ANGPTL2: variants seen among roughly 807,000 people sequenced by gnomAD.
The protein encoded by ANGPTL2 is angiopoietin-related protein 2.
In ANGPTL2, 25 loss-of-function variants were observed where a neutral mutation model predicts 52.8. The observed-to-expected ratio is 0.47, with a 90% CI of 0.35 to 0.66. ANGPTL2 has a LOEUF of 0.66. Among genes scored for constraint, ANGPTL2 ranks in the 30% least tolerant of loss-of-function variants. The pLI is 0.01. For synonymous variants in ANGPTL2, 276 were observed against 277.4 expected (o/e 1.00, Z 0.05); for missense variants, 546 against 656.9 (o/e 0.83, Z 1.84).
chr9:127,112,420 C>T (rs1158250285), intron 1 of ANGPTL2, among the ~76,000 whole-genome samples: 3 of 152,244 alleles, frequency 2.0e-5, no homozygotes, highest in Admixed American at 2.0e-4. Flanking sequence ...TGACAGACAC[C>T]TCTCTGTGCC....
At chr9:127,112,759 A>G (rs959986000) in intron 1 of ANGPTL2, among the ~76,000 whole-genome samples, 3 of 152,270 alleles carry the variant, frequency 2.0e-5, no homozygotes, top group African/African-American at 7.2e-5. Context: ...AGAACAACAA[A>G]GCTGAAACAA....
At chr9:127,100,634 C>T (rs994852418) in intron 2 of ANGPTL2, among the ~76,000 whole-genome samples, 4 of 152,154 alleles carry the variant, frequency 2.6e-5, no homozygotes, top group Non-Finnish European at 4.4e-5. Flanking sequence ...TAGAGGTGGG[C>T]AGTGCCCCAG....
At position 127,091,435 on chromosome 9, in the gene ANGPTL2, G is replaced by C. The variant is rs532568489; in HGVS notation, c.1282+235C>G. On this transcript the variant is annotated intron_variant, in intron 4 of 4. Coordinates refer to ENST00000373425, the MANE Select transcript of ANGPTL2 (RefSeq NM_012098.3). The surrounding 1 kb of genome is among the most constrained non-coding windows in gnomAD (Gnocchi z 4.3). ...TGATTTGTATACCTCTTTATGTCTCGCCCCATCCCATTTTTTTTTTCTTAA... is the reference window on the plus strand; with the variant it reads ...TGATTTGTATACCTCTTTATGTCTCCCCCCATCCCATTTTTTTTTTCTTAA... 6.6e-6 allele frequency among the ~76,000 whole-genome samples: 1 copy of C among 152,014 alleles called. No individual in the cohort carries two copies. Among genetic ancestry groups the C allele is most frequent in the Non-Finnish European group, 1.5e-5 (1 of 67,974 alleles).
chr9:127,121,156 G>A (rs1273504306), intron 1 of ANGPTL2, among the ~76,000 whole-genome samples: 1 of 152,246 alleles, frequency 6.6e-6, no homozygotes, highest in African/African-American at 2.4e-5. Flanking sequence ...GGGTGGTCAT[G>A]AGGATTCTAC....
chr9:127,096,613 G>T (rs2053170468), intron 2 of ANGPTL2, among the ~76,000 whole-genome samples: 1 of 152,192 alleles, frequency 6.6e-6, no homozygotes, highest in Non-Finnish European at 1.5e-5. Context: ...TTTACCTTTG[G>T]CATTTCCACC....
intron 2 of ANGPTL2, among the ~76,000 whole-genome samples, chr9:127,099,140 CT>C (rs2136724933): frequency 6.6e-6 from 1 of 152,312 alleles, no homozygotes; most frequent in African/African-American, 2.4e-5. Context: ...CCTGACAGTC[CT>C]TTTTATCCCC....
chr9:127,098,666 C>T (rs2053413784), intron 2 of ANGPTL2, among the ~76,000 whole-genome samples: 1 of 152,126 alleles, frequency 6.6e-6, no homozygotes, highest in Non-Finnish European at 1.5e-5. Flanking sequence ...TTGGGTGCTT[C>T]CTTCCTCCTC....
At chr9:127,102,097 A>G (rs1381931222) in intron 2 of ANGPTL2, among the ~76,000 whole-genome samples, 2 of 152,180 alleles carry the variant, frequency 1.3e-5, no homozygotes, top group Non-Finnish European at 2.9e-5. Context: ...CAGTGTTCCC[A>G]TCAAGAGGTC....
Position 127,087,564 on chromosome 9 carries a change from C to G in ANGPTL2, c.*1375G>C, listed in dbSNP as rs1031678947. On this transcript the variant is annotated 3_prime_UTR_variant, in exon 5 of 5. Transcript: ENST00000373425. ...ACGTGCCCACCGGGAAGGGTCTCAC[C>G]TTCTTGACTCATCCCTTGCCCCTTC... 6.6e-6 allele frequency: 1 copy of G among 152,636 alleles called. No individual in the cohort carries two copies. Among genetic ancestry groups the G allele is most frequent in the Non-Finnish European group, 1.5e-5 (1 of 68,062 alleles). The allele number at this position is 152,636 out of a possible 1,614,324, so 9.5% of individuals were successfully genotyped here.
At chr9:127,101,678 C>T (rs997071645) in intron 2 of ANGPTL2, among the ~76,000 whole-genome samples, 3 of 152,194 alleles carry the variant, frequency 2.0e-5, no homozygotes, top group Non-Finnish European at 2.9e-5. Flanking sequence ...GTGGGAAAGC[C>T]TGGACAGTTT....
At chr9:127,114,950 G>A (rs2055239763) in intron 1 of ANGPTL2, among the ~76,000 whole-genome samples, 1 of 152,198 alleles carries the variant, frequency 6.6e-6, no homozygotes. Flanking sequence ...GAAATGTATG[G>A]TGTGCTGGTA....
In ANGPTL2 at chr9:127,091,786, T is replaced by C; in HGVS notation, c.1166A>G (p.Glu389Gly). The change falls in exon 4 of 5, where the codon GAG becomes GGG. Residue 389 changes from glutamate (E) to glycine (G), a missense_variant. By Grantham distance (98) the Glu-to-Gly change is moderately conservative (BLOSUM62 -2). Transcript: ENST00000373425. The surrounding 1 kb of genome is among the most constrained non-coding windows in gnomAD (Gnocchi z 4.3). ...AEYASFRLEP[E>G]SEYYKLRLGR... is the part of the protein sequence containing the mutation. ...CAGCCGCAGCTTATAATACTCGCTC[T>C]CAGGTTCCAGGCGGAAACTGGCGTA... The C allele has an allele frequency of 6.2e-7, 1 of 1,614,184 alleles. No homozygotes were observed. Among genetic ancestry groups the C allele is most frequent in the Non-Finnish European group, 8.5e-7 (1 of 1,180,022 alleles).
rs1282092409 is a variant in ANGPTL2 at position 127,088,055 on chromosome 9, A to G, written c.*884T>C. Reference sequence around the variant, plus strand: ...TCAGAAGCTGAGGAATCTCGCCTGGAAAGAAGGGGCTGTGCGACAGAAAAG... The same window carrying G: ...TCAGAAGCTGAGGAATCTCGCCTGGGAAGAAGGGGCTGTGCGACAGAAAAG... On this transcript the variant is annotated 3_prime_UTR_variant, in exon 5 of 5. Transcript: ENST00000373425. The G allele has an allele frequency of 6.6e-6, 1 of 152,572 alleles. No homozygotes were observed. Among genetic ancestry groups the G allele is most frequent in the Non-Finnish European group, 1.5e-5 (1 of 68,036 alleles). The allele number at this position is 152,572 out of a possible 1,614,324, so 9.5% of individuals were successfully genotyped here.
intron 1 of ANGPTL2, among the ~76,000 whole-genome samples, chr9:127,121,782 G>C (rs986660703): frequency 6.6e-6 from 1 of 152,182 alleles, no homozygotes; most frequent in African/African-American, 2.4e-5. Flanking sequence ...CTCCTCGCCA[G>C]CTGGAGGGTG....
chr9:127,089,330 A>G (rs2052163085), intron 4 of ANGPTL2, among the ~76,000 whole-genome samples, 192 bp from the exon 5 acceptor site: 1 of 152,162 alleles, frequency 6.6e-6, no homozygotes, highest in Non-Finnish European at 1.5e-5. Flanking sequence ...TTTGTAACTA[A>G]CTAGCTGTGT....
intron 2 of ANGPTL2, among the ~76,000 whole-genome samples, chr9:127,106,357 G>T (rs1399741346): frequency 6.6e-6 from 1 of 152,078 alleles, no homozygotes; most frequent in South Asian, 2.1e-4. Context: ...CAGATGGAAC[G>T]CCAGAGCTAA....
At chr9:127,094,223 A>G (rs1014458639) in intron 2 of ANGPTL2, among the ~76,000 whole-genome samples, 2 of 152,124 alleles carry the variant, frequency 1.3e-5, no homozygotes, top group Non-Finnish European at 2.9e-5. Context: ...CTGATTGTAG[A>G]AGGAAGATCA....
intron 1 of ANGPTL2, among the ~76,000 whole-genome samples, chr9:127,118,439 A>G (rs772271434): frequency 6.6e-6 from 1 of 152,262 alleles, no homozygotes. Context: ...CAAAAAAGAA[A>G]TGCTATTCAA....
chr9:127,093,808 G>T lies in ANGPTL2; in HGVS notation c.936C>A (p.Asp312Glu). Residue 312 changes from aspartate (D) to glutamate (E), a missense_variant, in exon 3 of 5, where the codon GAC becomes GAA. Asp to Glu is a conservative substitution (Grantham distance 45, BLOSUM62 2). This residue lies in a region of ANGPTL2 where 261 missense variants were observed against 361.0 expected (regional missense o/e 0.72). Transcript: ENST00000373425. ...LMQVWCDQRH[D>E]PGGWTVIQRR... The stretch of plus-strand genomic sequence containing the variant: ...TCTGGATGACGGTCCAGCCCCCGGG[G>T]TCGTGTCTCTGGTCGCACCACACCT... 6.2e-7 allele frequency: 1 copy of T among 1,614,038 alleles called. No homozygotes were observed. Among genetic ancestry groups the T allele is most frequent in the Non-Finnish European group, 8.5e-7 (1 of 1,180,000 alleles).
Sources: gnomAD v4.1 joint callset for allele counts (sites outside exome capture counted in the v4.1 genomes callset) on GRCh38, gnomAD v4.1.1 for gene constraint, gnomAD v4.1.1 regional missense constraint, Gnocchi (gnomAD v3.1) non-coding constraint, MANE v1.5 for transcripts, NCBI Gene and HGNC (gene_info 2026-07-23, HGNC 2026-07-21) for gene names.